DISC1: variants seen among roughly 807,000 people sequenced by gnomAD.
DISC1 encodes the protein disrupted in schizophrenia 1 protein.
A neutral mutation model predicts 84.5 loss-of-function variants in DISC1; 57 were observed. The ratio of observed to expected loss-of-function variants is 0.67; its 90% confidence interval spans 0.55 to 0.84. The LOEUF is 0.84. Among genes scored for constraint, DISC1 ranks in the 40% least tolerant of loss-of-function variants. DISC1 has a pLI of 0.00. For missense variants in DISC1, 1,000 were observed against 1,057.8 expected (o/e 0.95, Z 0.76); for synonymous variants, 411 against 415.2 (o/e 0.99, Z 0.12).
chr1:231,793,630 T>G (rs1187846106), intron 6 of DISC1, among the ~76,000 whole-genome samples: 1 of 152,160 alleles, frequency 6.6e-6, no homozygotes, highest in African/African-American at 2.4e-5. Flanking sequence ...CATTCAGACT[T>G]TCTTCCTCCA....
At chr1:231,666,081 C>G (rs1482161590) in intron 1 of DISC1, among the ~76,000 whole-genome samples, 6 of 152,084 alleles carry the variant, frequency 3.9e-5, no homozygotes, top group Non-Finnish European at 1.5e-5. Context: ...GGACAGGGAA[C>G]AGTAGGTCTT....
At chr1:231,800,261 G>A in intron 8 of DISC1, 51 bp downstream of exon 8, 3 of 1,362,904 alleles carry the variant, frequency 2.2e-6, no homozygotes, top group Non-Finnish European at 3.1e-6. Flanking sequence ...AATAATGACA[G>A]CTACCAGCAC....
intron 11 of DISC1, among the ~76,000 whole-genome samples, chr1:232,021,754 CTATT>C (rs1668982666): frequency 6.6e-6 from 1 of 152,280 alleles, no homozygotes; most frequent in African/African-American, 2.4e-5. Context: ...TTTAAAAGAA[CTATT>C]TATGATATTC....
intron 9 of DISC1, among the ~76,000 whole-genome samples, chr1:231,820,355 G>A (rs76942438): frequency 0.021 from 3,167 of 152,292 alleles, 105 homozygotes; most frequent in African/African-American, 0.071. Context: ...TAAAAATTCA[G>A]AGGGAGCTCT....
intron 9 of DISC1, among the ~76,000 whole-genome samples, chr1:231,873,825 A>G (rs1398621314): frequency 1.4e-5 from 2 of 147,070 alleles, no homozygotes; most frequent in African/African-American, 5.1e-5. Context: ...GACTTCTATC[A>G]TTGGAAGAGG....
At chr1:231,679,722 T>C in intron 1 of DISC1, among the ~76,000 whole-genome samples, 1 of 152,194 alleles carries the variant, frequency 6.6e-6, no homozygotes, top group East Asian at 1.9e-4. Context: ...TGTAAATGAG[T>C]ACTTGAAAAC....
In DISC1 at chr1:232,008,814, G is replaced by C. The variant is rs527758402; in HGVS notation, c.2072G>C (p.Trp691Ser). The change falls in exon 11 of 13, where the codon TGG (tryptophan) becomes TCG (serine). Residue 691 changes from tryptophan (W) to serine (S), a missense_variant. Physicochemically the swap from Trp to Ser is radical, Grantham distance 177. Transcript: ENST00000439617. ...SCKCPLLGKV[W>S]EADLEACRLL... is the part of the protein sequence containing the mutation. Reference sequence around the variant, plus strand: ...AAGTGTCCACTGCTTGGGAAAGTGTGGGAAGCTGACTTGGAAGCTTGTCGA... The same window carrying C: ...AAGTGTCCACTGCTTGGGAAAGTGTCGGAAGCTGACTTGGAAGCTTGTCGA... 1 of 1,591,398 alleles carries C rather than the reference G, an allele frequency of 6.3e-7. No individual in the cohort carries two copies. The highest frequency in any genetic ancestry group is 8.6e-7 in the Non-Finnish European group (1 of 1,167,974).
chr1:231,723,505 G>T, intron 3 of DISC1: 1 of 985,458 alleles, frequency 1.0e-6, no homozygotes, highest in Non-Finnish European at 1.2e-6. Flanking sequence ...TTTCTGTGCA[G>T]TCCTGTGGTT....
intron 4 of DISC1, among the ~76,000 whole-genome samples, chr1:231,761,353 G>A (rs2075646298): frequency 6.6e-6 from 1 of 152,174 alleles, no homozygotes; most frequent in Admixed American, 6.5e-5. Flanking sequence ...AATATAAAGG[G>A]GACAACATTG....
chr1:232,029,416 GC>G (rs1182353911), intron 12 of DISC1, among the ~76,000 whole-genome samples: 4 of 152,198 alleles, frequency 2.6e-5, no homozygotes, highest in African/African-American at 9.6e-5. Context: ...ACAAACCAAA[GC>G]CGTTGTTTCA....
chr1:232,014,439 C>T (rs1348746522), intron 11 of DISC1, among the ~76,000 whole-genome samples: 3 of 152,214 alleles, frequency 2.0e-5, no homozygotes, highest in African/African-American at 4.8e-5. Context: ...ATGAAGAAAA[C>T]TTCTATCTCC....
At position 231,721,631 on chromosome 1, in the gene DISC1, C is replaced by T. The variant is rs77219378; in HGVS notation, c.1117+19607C>T. Reference sequence around the variant, plus strand: ...ACAGCTGTTCAACATTTTTTGGATCCATGTATTCTCTTCAGAACACCAGAA... The same window carrying T: ...ACAGCTGTTCAACATTTTTTGGATCTATGTATTCTCTTCAGAACACCAGAA... On this transcript the variant is annotated intron_variant, in intron 3 of 12. Transcript: ENST00000439617. Among the ~76,000 whole-genome samples the T allele has an allele frequency of 7.3e-4, 111 of 152,114 alleles. No individual in the cohort carries two copies. In the East Asian group the frequency reaches 0.02, roughly 27 times the overall value.
intron 9 of DISC1, among the ~76,000 whole-genome samples, chr1:231,846,107 A>G (rs2083432116): frequency 6.6e-6 from 1 of 152,064 alleles, no homozygotes; most frequent in Admixed American, 6.5e-5. Context: ...CACGTTAGGG[A>G]CGTGGGAGGA....
At chr1:231,854,297 C>A (rs2084106241) in intron 9 of DISC1, among the ~76,000 whole-genome samples, 1 of 152,044 alleles carries the variant, frequency 6.6e-6, no homozygotes, top group South Asian at 2.1e-4. Context: ...TTCTGAGGGA[C>A]AACTGAAGTG....
chr1:231,886,825 T>TTCTTTCTC (rs1255940108), intron 9 of DISC1, among the ~76,000 whole-genome samples: 1 of 144,212 alleles, frequency 6.9e-6, no homozygotes, highest in South Asian at 2.3e-4. Context: ...CTTTCTTTCT[T>TTCTTTCTC]TCTTTCTTTC....
intron 10 of DISC1, among the ~76,000 whole-genome samples, chr1:232,005,712 A>G (rs821603): frequency 0.28 from 42,994 of 152,064 alleles, 6,351 homozygotes; most frequent in African/African-American, 0.33. Flanking sequence ...ATATGTCCAA[A>G]AAAATAGGGA....
chr1:231,877,509 C>G (rs2085976350), intron 9 of DISC1, among the ~76,000 whole-genome samples: 1 of 152,172 alleles, frequency 6.6e-6, no homozygotes, highest in Non-Finnish European at 1.5e-5. Flanking sequence ...GTAATCCCAC[C>G]AAGTAAAGGT....
At chr1:231,953,407 T>G (rs1250249536) in intron 9 of DISC1, among the ~76,000 whole-genome samples, 1 of 152,208 alleles carries the variant, frequency 6.6e-6, no homozygotes, top group Non-Finnish European at 1.5e-5. Context: ...GCCAAGACAT[T>G]CCAGCTGCAA....
At chr1:231,654,955 G>C (rs1300298369) in intron 1 of DISC1, among the ~76,000 whole-genome samples, 1 of 152,152 alleles carries the variant, frequency 6.6e-6, no homozygotes, top group African/African-American at 2.4e-5. Context: ...TCTTTTACCT[G>C]TGTCACTCAA....
Sources: gnomAD v4.1 joint callset for allele counts (sites outside exome capture counted in the v4.1 genomes callset) on GRCh38, gnomAD v4.1.1 for gene constraint, MANE v1.5 for transcripts, NCBI Gene and HGNC (gene_info 2026-07-23, HGNC 2026-07-21) for gene names.